Variants in AFF3 observed in about 807,000 individuals in gnomAD.
AFF3 encodes ALF transcription elongation factor 3.
Under a neutral mutation model 129.7 loss-of-function variants are expected in AFF3, and 32 were observed. The observed-to-expected ratio is 0.25, with a 90% CI of 0.19 to 0.33. The LOEUF is 0.33. Among genes scored for constraint, AFF3 ranks in the 10% least tolerant of loss-of-function variants. The pLI is 1.00. For synonymous variants in AFF3, 644 were observed against 635.4 expected (o/e 1.01, Z -0.20); for missense variants, 1,373 against 1,592.0 (o/e 0.86, Z 2.34).
Position 99,620,579 on chromosome 2 carries a change from T to C in AFF3, c.1185-18958A>G, listed in dbSNP as rs190390842. ...AGGAGTTAGAGGTTTCACTGAGCTA[T>C]GATTGTACTACTGCATTCCAGCCTG... On this transcript the variant is annotated intron_variant, in intron 13 of 24. Coordinates refer to ENST00000672756, the MANE Select transcript of AFF3 (RefSeq NM_001386135.1). Among the ~76,000 whole-genome samples the C allele has an allele frequency of 1.1e-3, 166 of 152,270 alleles. 2 individuals are homozygous for C. The highest frequency in any genetic ancestry group is 0.01 in the Admixed American group (159 of 15,296).
chr2:99,916,530 G>C (rs1695488419), intron 7 of AFF3, among the ~76,000 whole-genome samples: 1 of 152,114 alleles, frequency 6.6e-6, no homozygotes, highest in South Asian at 2.1e-4. Flanking sequence ...GGCAGAGACA[G>C]AGAAAGACTG....
chr2:99,801,604 T>C (rs749571080), intron 8 of AFF3, among the ~76,000 whole-genome samples: 2 of 152,182 alleles, frequency 1.3e-5, no homozygotes, highest in Non-Finnish European at 2.9e-5. Context: ...ACAGAACTTG[T>C]ACTTCCCATT....
chr2:99,633,511 T>C (rs972642414), intron 13 of AFF3, among the ~76,000 whole-genome samples: 5 of 152,148 alleles, frequency 3.3e-5, no homozygotes, highest in Non-Finnish European at 5.9e-5. Context: ...ATGTGTGCTA[T>C]AGTTTGAATA....
intron 17 of AFF3, 86 bp downstream of exon 17, chr2:99,582,712 T>C (rs1575422027): frequency 6.9e-7 from 1 of 1,449,390 alleles, no homozygotes; most frequent in Non-Finnish European, 9.6e-7. Context: ...CAAGCATGTG[T>C]TCAGACTGTG....
chr2:100,107,790 T>C (rs1224087237), intron 2 of AFF3, among the ~76,000 whole-genome samples: 3 of 152,172 alleles, frequency 2.0e-5, no homozygotes, highest in African/African-American at 7.2e-5. Flanking sequence ...GCTGGAAGCC[T>C]CCTAAATAAA....
intron 7 of AFF3, among the ~76,000 whole-genome samples, chr2:99,939,066 GCTCT>G (rs933914170): frequency 1.3e-5 from 2 of 152,044 alleles, no homozygotes; most frequent in East Asian, 1.9e-4. Context: ...AAGCACTGTT[GCTCT>G]CTCTCTCTTG....
intron 11 of AFF3, among the ~76,000 whole-genome samples, chr2:99,674,783 G>A (rs369222190): frequency 6.6e-6 from 1 of 152,296 alleles, no homozygotes; most frequent in Admixed American, 6.5e-5. Context: ...AACATGGCCC[G>A]AAGTGAGGGA....
intron 16 of AFF3, among the ~76,000 whole-genome samples, chr2:99,583,882 T>C (rs1045916131): frequency 9.3e-5 from 14 of 150,064 alleles, no homozygotes; most frequent in African/African-American, 3.4e-4. Flanking sequence ...TTTGTATTTT[T>C]AGTAGAGACG....
intron 4 of AFF3, among the ~76,000 whole-genome samples, chr2:100,033,367 T>C (rs1248967437): frequency 6.6e-6 from 1 of 152,270 alleles, no homozygotes; most frequent in East Asian, 1.9e-4. Flanking sequence ...TTTAAATATC[T>C]GAGCTATGAT....
At chr2:99,787,542 G>A (rs550740088) in intron 8 of AFF3, among the ~76,000 whole-genome samples, 7 of 152,206 alleles carry the variant, frequency 4.6e-5, no homozygotes, top group Non-Finnish European at 2.9e-5. Flanking sequence ...GCCACAGACA[G>A]CATACATCTC....
chr2:100,008,902 C>T lies in AFF3; in HGVS notation c.84G>A (p.Arg28=), dbSNP rs1682239691. ...CVYEPDRNAL[R]RKERERRNQE... is the part of the protein sequence containing the mutation. ...GATTTCTTCTTTCTCGTTCTTTCCT[C>T]CGTAATGCATTTCTATCTGGTTCAT... The change falls in exon 5 of 25, where the codon CGG becomes CGA. Residue 28 remains arginine (R), a synonymous_variant. Coordinates refer to ENST00000672756, the MANE Select transcript of AFF3 (RefSeq NM_001386135.1). 1 of 1,613,976 alleles carries T rather than the reference C, an allele frequency of 6.2e-7. No homozygotes were observed. Among genetic ancestry groups the T allele is most frequent in the Non-Finnish European group, 8.5e-7 (1 of 1,179,944 alleles).
chr2:99,927,793 T>C (rs1368212729), intron 7 of AFF3, among the ~76,000 whole-genome samples: 1 of 152,174 alleles, frequency 6.6e-6, no homozygotes, highest in Non-Finnish European at 1.5e-5. Context: ...TGAATGTACA[T>C]ACTGAGAGGC....
At chr2:99,778,916 G>A (rs1365072932) in intron 8 of AFF3, among the ~76,000 whole-genome samples, 2 of 151,300 alleles carry the variant, frequency 1.3e-5, no homozygotes, top group East Asian at 1.9e-4. Context: ...GTGTGTGTGT[G>A]TGTGTGTGTG....
intron 4 of AFF3, among the ~76,000 whole-genome samples, chr2:100,078,939 ATT>A (rs1281462792): frequency 1.6e-5 from 2 of 126,176 alleles, no homozygotes; most frequent in South Asian, 5.3e-4. Context: ...TTTGCTGAAT[ATT>A]TTCTTTTTTT....
chr2:99,697,383 T>G (rs1676394677), intron 11 of AFF3, among the ~76,000 whole-genome samples: 1 of 152,218 alleles, frequency 6.6e-6, no homozygotes, highest in African/African-American at 2.4e-5. Context: ...TGGTTGAGAT[T>G]GTAGATATCT....
At chr2:99,707,197 C>T in intron 11 of AFF3, 1 of 985,332 alleles carries the variant, frequency 1.0e-6, no homozygotes, top group African/African-American at 1.7e-5. Flanking sequence ...GTTATTCTTC[C>T]CCATCCACAG....
At chr2:100,037,026 T>C (rs919169489) in intron 4 of AFF3, among the ~76,000 whole-genome samples, 7 of 152,080 alleles carry the variant, frequency 4.6e-5, no homozygotes, top group Admixed American at 2.0e-4. Flanking sequence ...CTTGGCAATA[T>C]ATCAAAAGCG....
intron 8 of AFF3, among the ~76,000 whole-genome samples, chr2:99,791,742 T>C (rs1685202312): frequency 6.6e-6 from 1 of 152,174 alleles, no homozygotes; most frequent in African/African-American, 2.4e-5. Flanking sequence ...CTGAAAAAGG[T>C]GACACGCTGT....
At chr2:99,947,504 A>G (rs796771465) in intron 7 of AFF3, among the ~76,000 whole-genome samples, 23 of 104,934 alleles carry the variant, frequency 2.2e-4, no homozygotes, top group African/African-American at 1.1e-3. Flanking sequence ...AAAAAGAAAG[A>G]AAGAAAAAGA....
Sources: allele counts gnomAD v4.1 joint callset (sites outside exome capture counted in the v4.1 genomes callset), GRCh38; gene constraint gnomAD v4.1.1; transcripts MANE v1.5; gene names NCBI Gene and HGNC (gene_info 2026-07-23, HGNC 2026-07-21).